Variants in RUNX1 observed in about 807,000 individuals in gnomAD.
RUNX1 encodes the protein RUNX family transcription factor 1, also known as runt-related transcription factor 1.
In RUNX1, 19 loss-of-function variants were observed where a neutral mutation model predicts 42.8. The ratio of observed to expected loss-of-function variants is 0.44; its 90% CI spans 0.31 to 0.65. RUNX1 has a LOEUF of 0.65. RUNX1 is among the 30% of genes least tolerant of loss of function. The pLI, the probability that RUNX1 is intolerant of heterozygous loss-of-function variation, is 0.07. For synonymous variants in RUNX1, 271 were observed against 289.4 expected (o/e 0.94, Z 0.64); for missense variants, 528 against 672.0 (o/e 0.79, Z 2.37).
chr21:34,894,024 A>G (rs2058109064), intron 2 of RUNX1, among the ~76,000 whole-genome samples: 1 of 152,236 alleles, frequency 6.6e-6, no homozygotes, highest in South Asian at 2.1e-4. Flanking sequence ...AGTAGATAAA[A>G]TGACTCCATG....
chr21:34,998,784 G>A (rs372606427), intron 2 of RUNX1, among the ~76,000 whole-genome samples: 8 of 152,098 alleles, frequency 5.3e-5, no homozygotes, highest in Non-Finnish European at 8.8e-5. Context: ...CTCGTGATCC[G>A]CCCGCCTTGC....
chr21:34,798,855 G>A (rs991288658), intron 8 of RUNX1, among the ~76,000 whole-genome samples: 3 of 152,026 alleles, frequency 2.0e-5, no homozygotes, highest in African/African-American at 7.2e-5. Context: ...AGTCCTCCAT[G>A]GATACCAAGG....
At chr21:34,951,783 T>A (rs1242391073) in intron 2 of RUNX1, among the ~76,000 whole-genome samples, 1 of 152,194 alleles carries the variant, frequency 6.6e-6, no homozygotes, top group Non-Finnish European at 1.5e-5. Flanking sequence ...TTGGTGGGAA[T>A]GTAAATTAGT....
intron 7 of RUNX1, chr21:34,821,716 C>T: frequency 6.4e-7 from 1 of 1,551,924 alleles, no homozygotes; most frequent in Non-Finnish European, 8.8e-7. Flanking sequence ...CCATGTGTGA[C>T]CAGGGAGAAA....
intron 2 of RUNX1, among the ~76,000 whole-genome samples, chr21:34,956,575 CTTGT>C (rs1434825452): frequency 2.0e-5 from 3 of 152,132 alleles, no homozygotes; most frequent in African/African-American, 7.2e-5. Context: ...CTTGGCCAGT[CTTGT>C]TTGTCACCAA....
intron 6 of RUNX1, chr21:34,856,265 T>A: frequency 2.1e-6 from 1 of 469,784 alleles, no homozygotes; most frequent in East Asian, 6.3e-5. Flanking sequence ...AAATGCCAGA[T>A]AACTGCTTTA....
At chr21:34,922,301 T>C (rs1394330233) in intron 2 of RUNX1, among the ~76,000 whole-genome samples, 1 of 152,110 alleles carries the variant, frequency 6.6e-6, no homozygotes, top group Non-Finnish European at 1.5e-5. Context: ...AGACCAGAAC[T>C]GAAGAGAAAT....
At chr21:35,029,106 C>G (rs531638903) in intron 2 of RUNX1, among the ~76,000 whole-genome samples, 7 of 152,310 alleles carry the variant, frequency 4.6e-5, no homozygotes, top group Non-Finnish European at 7.4e-5. Context: ...TTGGTGGCCT[C>G]TCTCCACCAT....
intron 5 of RUNX1, among the ~76,000 whole-genome samples, chr21:34,877,300 A>G (rs118001723): frequency 4.6e-4 from 70 of 152,348 alleles, no homozygotes; most frequent in Non-Finnish European, 8.8e-4. Context: ...TTCGTTTCAC[A>G]TAAGAGAATT....
chr21:35,008,466 AG>A (rs1473225686), intron 2 of RUNX1, among the ~76,000 whole-genome samples: 6 of 152,210 alleles, frequency 3.9e-5, no homozygotes, highest in Non-Finnish European at 8.8e-5. Context: ...CGTCTTTGGA[AG>A]GATCGATGCT....
chr21:34,953,543 G>A (rs547243433), intron 2 of RUNX1, among the ~76,000 whole-genome samples: 1 of 152,272 alleles, frequency 6.6e-6, no homozygotes, highest in African/African-American at 2.4e-5. Context: ...AAAGATATAA[G>A]GAGTCTAGGT....
intron 2 of RUNX1, among the ~76,000 whole-genome samples, chr21:34,997,776 C>A (rs36087189): frequency 0.15 from 23,160 of 152,190 alleles, 2,000 homozygotes; most frequent in Admixed American, 0.22. Context: ...GCAGAAGGGG[C>A]CTTGCCAGGC....
intron 3 of RUNX1, among the ~76,000 whole-genome samples, chr21:34,890,049 C>G (rs1444566491): frequency 6.6e-6 from 1 of 152,122 alleles, no homozygotes; most frequent in Admixed American, 6.5e-5. Context: ...TCCCCCAGGG[C>G]TAGGGTGCTG....
chr21:34,942,547 A>C (rs907505436), intron 2 of RUNX1, among the ~76,000 whole-genome samples: 3 of 152,178 alleles, frequency 2.0e-5, no homozygotes, highest in African/African-American at 4.8e-5. Flanking sequence ...GGCTTAATTG[A>C]TATTTCCATT....
At chr21:34,849,427 T>TATATAATATATTATATAGTATATATA (rs1428388749) in intron 6 of RUNX1, among the ~76,000 whole-genome samples, 1 of 71,934 alleles carries the variant, frequency 1.4e-5, no homozygotes, top group South Asian at 3.4e-4. Context: ...TTATATAGTA[T>TATATAATATATTATATAGTATATATA]ATATATTATA....
chr21:34,986,309 C>T (rs1326451809), intron 2 of RUNX1, among the ~76,000 whole-genome samples: 1 of 151,940 alleles, frequency 6.6e-6, no homozygotes, highest in Non-Finnish European at 1.5e-5. Context: ...TTTGTTTCCT[C>T]AAACCTGAAA....
intron 2 of RUNX1, among the ~76,000 whole-genome samples, chr21:34,968,717 C>T (rs749016549): frequency 6.6e-6 from 1 of 152,092 alleles, no homozygotes; most frequent in African/African-American, 2.4e-5. Flanking sequence ...GGTATCCATG[C>T]AGCATCTACT....
chr21:34,872,509 T>C (rs2057754400), intron 5 of RUNX1, among the ~76,000 whole-genome samples: 1 of 152,252 alleles, frequency 6.6e-6, no homozygotes, highest in Non-Finnish European at 1.5e-5. Flanking sequence ...AAACTTTTAA[T>C]ATTCAGTGAT....
At chr21:35,010,689 C>A (rs1250784543) in intron 2 of RUNX1, among the ~76,000 whole-genome samples, 1 of 151,984 alleles carries the variant, frequency 6.6e-6, no homozygotes, top group African/African-American at 2.4e-5. Context: ...CTACCCCAGG[C>A]CATTCCCATT....
Sources: gnomAD v4.1 joint callset for allele counts (sites outside exome capture counted in the v4.1 genomes callset) on GRCh38, gnomAD v4.1.1 for gene constraint, MANE v1.5 for transcripts, NCBI Gene and HGNC (gene_info 2026-07-23, HGNC 2026-07-21) for gene names.